Variants in SCARA3 observed in about 807,000 individuals in gnomAD.
SCARA3 encodes the protein scavenger receptor class A member 3, also known as cellular stress response gene protein.
SCARA3 carries 39 observed loss-of-function variants against 47.0 expected under a neutral mutation model. The ratio of observed to expected loss-of-function variants is 0.83; its 90% CI spans 0.64 to 1.08. SCARA3 has a LOEUF of 1.08. Ranked by LOEUF, SCARA3 falls within the 50% of genes least tolerant of loss-of-function variation. The probability of loss-of-function intolerance (pLI) is 0.00; values close to 1 mark genes in which losing one functional copy is unlikely to be tolerated. For missense variants in SCARA3, 724 were observed against 792.3 expected, an observed-to-expected ratio of 0.91 and a Z score of 1.04; for synonymous variants, 356 against 334.1, an observed-to-expected ratio of 1.07 and a Z score of -0.71.
At chr8:27,680,148 A>C (rs892356671), downstream of SCARA3, among the ~76,000 whole-genome samples, 1 of 152,138 alleles carries the variant, frequency 6.6e-6, no homozygotes. Flanking sequence ...ACTTACTGAT[A>C]TATGTTTTCA....
At chr8:27,713,138 C>G in the SCARA3 span, among the ~76,000 whole-genome samples, 265 of 152,310 alleles carry the variant, frequency 1.7e-3, 1 homozygote, top group Middle Eastern at 6.8e-3. Flanking sequence ...AGCAAAAGAT[C>G]CAATTCAGAA....
chr8:27,708,926 C>T, the SCARA3 span, among the ~76,000 whole-genome samples: 1 of 152,098 alleles, frequency 6.6e-6, no homozygotes, highest in African/African-American at 2.4e-5. Context: ...GTGTGGAAGT[C>T]TCTAACAGAG....
intron 1 of SCARA3, among the ~76,000 whole-genome samples, chr8:27,641,309 T>C (rs1024048860): frequency 6.6e-6 from 1 of 152,176 alleles, no homozygotes; most frequent in Non-Finnish European, 1.5e-5. Context: ...GGGTTTGAAG[T>C]GTAGGCATCT....
chr8:27,693,185 C>T, the SCARA3 span, among the ~76,000 whole-genome samples: 1 of 151,880 alleles, frequency 6.6e-6, no homozygotes, highest in Non-Finnish European at 1.5e-5. Flanking sequence ...CCTGAAACCC[C>T]TCCCCAACTT....
chr8:27,676,068 T>C (rs1340638255), downstream of SCARA3, among the ~76,000 whole-genome samples: 1 of 152,176 alleles, frequency 6.6e-6, no homozygotes, highest in Non-Finnish European at 1.5e-5. Flanking sequence ...ATTTTATAGA[T>C]CAGAAAACAA....
downstream of SCARA3, among the ~76,000 whole-genome samples, chr8:27,673,597 G>A (rs917369773): frequency 1.3e-5 from 2 of 152,182 alleles, no homozygotes; most frequent in Non-Finnish European, 2.9e-5. Flanking sequence ...AGGGCAGGGG[G>A]TGAGGATGGG....
At chr8:27,697,301 C>A in the SCARA3 span, 1 of 217,766 alleles carries the variant, frequency 4.6e-6, no homozygotes, top group South Asian at 8.1e-5. Context: ...TCTAAATTCT[C>A]CTTATCAAGC....
At chr8:27,659,669 A>T in intron 5 of SCARA3, 130 bp downstream of exon 5, 2 of 718,604 alleles carry the variant, frequency 2.8e-6, no homozygotes, top group Non-Finnish European at 2.2e-6. Flanking sequence ...AAATGCCTAC[A>T]GCAGTCGGCA....
chr8:27,647,192 C>T (rs928021149), intron 1 of SCARA3, among the ~76,000 whole-genome samples: 6 of 152,134 alleles, frequency 3.9e-5, no homozygotes, highest in East Asian at 1.9e-4. Flanking sequence ...CAGGCACACA[C>T]GCAGGCATGC....
chr8:27,653,256 G>T (rs370232418), intron 3 of SCARA3, among the ~76,000 whole-genome samples: 3 of 152,212 alleles, frequency 2.0e-5, no homozygotes, highest in Admixed American at 2.0e-4. Flanking sequence ...AATGTGAGAC[G>T]CTGTCATGTG....
chr8:27,667,462 C>T (rs1333995985), intron 5 of SCARA3, among the ~76,000 whole-genome samples: 1 of 152,160 alleles, frequency 6.6e-6, no homozygotes, highest in Non-Finnish European at 1.5e-5. Flanking sequence ...CAGCCTCTCC[C>T]TCCTCCAGGC....
chr8:27,640,054 G>A (rs498146), intron 1 of SCARA3, among the ~76,000 whole-genome samples: 36,015 of 151,914 alleles, frequency 0.24, 5,264 homozygotes, highest in Middle Eastern at 0.39. Context: ...GAAGAGGCAT[G>A]GGGGGACTTG....
intron 1 of SCARA3, among the ~76,000 whole-genome samples, chr8:27,637,612 G>A (rs990113160): frequency 5.3e-5 from 8 of 151,866 alleles, no homozygotes; most frequent in Non-Finnish European, 7.4e-5. Context: ...GGCTGGAAGC[G>A]GGCCCACCTT....
intron 5 of SCARA3, among the ~76,000 whole-genome samples, chr8:27,669,092 G>C (rs1412365987): frequency 6.6e-6 from 1 of 152,092 alleles, no homozygotes; most frequent in Non-Finnish European, 1.5e-5. Context: ...GAGTACCAGG[G>C]AGCTGGGGAC....
At chr8:27,711,830 C>A in the SCARA3 span, among the ~76,000 whole-genome samples, 1 of 152,164 alleles carries the variant, frequency 6.6e-6, no homozygotes, top group Non-Finnish European at 1.5e-5. Context: ...CCTGCCCCGA[C>A]ATATGCACAG....
rs35182066 is a variant in SCARA3 at position 27,656,646 on chromosome 8, G to A, written c.227-136G>A. Reference sequence around the variant, plus strand: ...GCCATAAGAAGTATCTTCCCTAACCGCCATGAAGAAGCCTGAGAGAAGAAG... The same window carrying A: ...GCCATAAGAAGTATCTTCCCTAACCACCATGAAGAAGCCTGAGAGAAGAAG... On this transcript the variant is annotated intron_variant, in intron 3 of 5. Transcript: ENST00000301904. 2.1e-3 allele frequency: 1,369 copies of A among 644,108 alleles called. 16 individuals are homozygous for A. In the African/African-American group the frequency reaches 0.021, roughly 10 times the overall value. 39.9% of individuals were successfully genotyped at this position (644,108 alleles called of 1,614,324 possible). A position where few individuals can be genotyped will look rare whatever the true frequency, so the allele number is the denominator to read the frequency against.
Position 27,634,216 on chromosome 8 carries a change from G to A in SCARA3, c.7+9G>A, listed in dbSNP as rs1801197045. 2 of 1,366,336 alleles carry A rather than the reference G, an allele frequency of 1.5e-6. No homozygotes were observed. Among genetic ancestry groups the A allele is most frequent in the South Asian group, 2.0e-5 (1 of 50,936 alleles). The allele number at this position is 1,366,336 out of a possible 1,614,324, so 84.6% of individuals were successfully genotyped here. On this transcript the variant is annotated intron_variant, in intron 1 of 5. Transcript: ENST00000301904. Reference sequence around the variant, plus strand: ...GGAAGAGACCATGAAAGGTAAGGGCGGCCTGTCGGGGGCAGCTCCGAGGGG... The same window carrying A: ...GGAAGAGACCATGAAAGGTAAGGGCAGCCTGTCGGGGGCAGCTCCGAGGGG...
chr8:27,655,468 ACCACTGG>A (rs1448940018), intron 3 of SCARA3, among the ~76,000 whole-genome samples: 2 of 152,188 alleles, frequency 1.3e-5, no homozygotes, highest in Non-Finnish European at 2.9e-5. Context: ...ACGTGCTCTA[ACCACTGG>A]CCAACATGGC....
chr8:27,661,093 T>A (rs1801904989), intron 5 of SCARA3, among the ~76,000 whole-genome samples: 1 of 152,188 alleles, frequency 6.6e-6, no homozygotes, highest in South Asian at 2.1e-4. Context: ...GGGAGGGCAA[T>A]CTGCTTGACC....
Sources: gnomAD v4.1 joint callset for allele counts (sites outside exome capture counted in the v4.1 genomes callset) on GRCh38, gnomAD v4.1.1 for gene constraint, MANE v1.5 for transcripts, NCBI Gene and HGNC (gene_info 2026-07-23, HGNC 2026-07-21) for gene names.